Variants in CACHD1 observed in about 807,000 individuals in gnomAD.
CACHD1 encodes the protein cache domain containing 1, also known as VWFA and cache domain-containing protein 1.
CACHD1 carries 71 observed loss-of-function variants against 138.7 expected under a neutral mutation model. The observed-to-expected ratio is 0.51, with a 90% CI of 0.42 to 0.62. The LOEUF (loss-of-function observed/expected upper bound fraction) is 0.62, where lower values mean the gene tolerates loss of function less well. CACHD1 is among the 20% of genes least tolerant of loss of function. The pLI, the probability that CACHD1 is intolerant of heterozygous loss-of-function variation, is 0.00. For missense variants in CACHD1, 1,389 were observed against 1,625.3 expected, an observed-to-expected ratio of 0.85 and a Z score of 2.50; for synonymous variants, 578 against 591.5, an observed-to-expected ratio of 0.98 and a Z score of 0.33.
At chr1:64,617,022 A>G (rs184112033) in intron 4 of CACHD1, among the ~76,000 whole-genome samples, 1 of 151,900 alleles carries the variant, frequency 6.6e-6, no homozygotes, top group East Asian at 1.9e-4. Flanking sequence ...AAAAATGTTT[A>G]CATGCCAAAG....
intron 2 of CACHD1, among the ~76,000 whole-genome samples, chr1:64,553,527 C>T (rs118000654): frequency 0.031 from 4,721 of 152,276 alleles, 113 homozygotes; most frequent in South Asian, 0.11. Flanking sequence ...GGCCACGGAT[C>T]CCAGCTAGTA....
At chr1:64,613,010 A>T (rs1013884854) in intron 4 of CACHD1, among the ~76,000 whole-genome samples, 9 of 152,232 alleles carry the variant, frequency 5.9e-5, no homozygotes, top group African/African-American at 2.2e-4. Context: ...GGAGGTCAAA[A>T]TATCAACATT....
rs372000913 is a variant in CACHD1, at chr1:64,634,227, C to T, written c.973C>T (p.Arg325Ter). 6.8e-6 allele frequency: 11 copies of T among 1,613,662 alleles called. No homozygotes were observed. The highest frequency in any genetic ancestry group is 9.3e-6 in the Non-Finnish European group (11 of 1,179,928). Reference protein sequence around the residue: ...VGFQKAFQLIRSTNNNTKFQA... With the variant: ...VGFQKAFQLI ...ATTCCAAAAGGCATTTCAGCTGATT[C>T]GAAGTACAAACAATAACACAAAGTT... The change falls in exon 7 of 27, where the codon CGA (arginine) becomes TGA (stop). Residue 325 changes from arginine to a stop codon, truncating the protein, a stop_gained. Coordinates refer to ENST00000651257, the MANE Select transcript of CACHD1 (RefSeq NM_020925.4). LOFTEE classifies it high-confidence loss of function.
chr1:64,665,789 G>A (rs1302313553), intron 15 of CACHD1, among the ~76,000 whole-genome samples: 1 of 152,102 alleles, frequency 6.6e-6, no homozygotes, highest in Admixed American at 6.6e-5. Flanking sequence ...GGCTGAGGTG[G>A]GCGGATCACG....
chr1:64,647,690 C>G (rs905746893), intron 8 of CACHD1, 111 bp from the exon 9 acceptor site: 1 of 836,608 alleles, frequency 1.2e-6, no homozygotes, highest in African/African-American at 1.7e-5. Context: ...GCAAAAACCC[C>G]TTTGGTATTA....
intron 26 of CACHD1, among the ~76,000 whole-genome samples, chr1:64,688,658 C>T (rs1184963056): frequency 2.6e-5 from 4 of 152,010 alleles, no homozygotes; most frequent in African/African-American, 9.7e-5. Flanking sequence ...TCCAGCCTCC[C>T]CATTGCCCCC....
chr1:64,634,019 T>C, intron 6 of CACHD1, 25 bp from the exon 7 acceptor site: 3 of 697,300 alleles, frequency 4.3e-6, no homozygotes, highest in Non-Finnish European at 4.0e-6. Context: ...AGTTTGGTGG[T>C]TTTTTTTTTT....
intron 23 of CACHD1, among the ~76,000 whole-genome samples, chr1:64,678,919 T>A (rs1005585044): frequency 6.6e-6 from 1 of 152,154 alleles, no homozygotes; most frequent in Non-Finnish European, 1.5e-5. Flanking sequence ...CACCAAGGCC[T>A]AATTCTTAGA....
chr1:64,598,185 G>A (rs1261224495), intron 3 of CACHD1, among the ~76,000 whole-genome samples: 1 of 152,172 alleles, frequency 6.6e-6, no homozygotes, highest in Non-Finnish European at 1.5e-5. Flanking sequence ...TTTGCTTCCA[G>A]TAGTTACTCC....
intron 4 of CACHD1, among the ~76,000 whole-genome samples, chr1:64,620,084 G>C (rs17126781): frequency 0.042 from 6,404 of 151,966 alleles, 460 homozygotes; most frequent in African/African-American, 0.15. Flanking sequence ...ATTTTTCGTT[G>C]GTAAAGGTTT....
At chr1:64,524,772 C>G (rs1646523989) in intron 1 of CACHD1, among the ~76,000 whole-genome samples, 2 of 152,194 alleles carry the variant, frequency 1.3e-5, no homozygotes, top group African/African-American at 4.8e-5. Context: ...ACTCTGGAAG[C>G]AAAGACACAT....
At chr1:64,550,689 C>CT in intron 2 of CACHD1, 33 bp downstream of exon 2, 1 of 1,428,598 alleles carries the variant, frequency 7.0e-7, no homozygotes, top group Non-Finnish European at 9.8e-7. Flanking sequence ...CACTCCCTGT[C>CT]TTTGTCTTGC....
Position 64,503,385 on chromosome 1 carries a change from A to G in CACHD1, c.198+32443A>G, listed in dbSNP as rs116474494. Among the ~76,000 whole-genome samples, 722 of 152,342 alleles carry G rather than the reference A, an allele frequency of 4.7e-3. 4 individuals are homozygous for G. Among genetic ancestry groups the G allele is most frequent in the African/African-American group, 0.017 (694 of 41,564 alleles). ...TAGAGAAAATACAGAATATATTTACATGGAAAACCCAAAACAAAACAAAAC... is the reference window on the plus strand; with the variant it reads ...TAGAGAAAATACAGAATATATTTACGTGGAAAACCCAAAACAAAACAAAAC... On this transcript the variant is annotated intron_variant, in intron 1 of 26. Transcript: ENST00000651257.
chr1:64,498,488 G>A (rs961054631), intron 1 of CACHD1, among the ~76,000 whole-genome samples: 1 of 152,180 alleles, frequency 6.6e-6, no homozygotes, highest in Non-Finnish European at 1.5e-5. Context: ...CTTCCTTATA[G>A]AAGGAATCTG....
chr1:64,474,629 A>G (rs1292532499), intron 1 of CACHD1, among the ~76,000 whole-genome samples: 1 of 152,260 alleles, frequency 6.6e-6, no homozygotes, highest in Non-Finnish European at 1.5e-5. Context: ...GTATTCCAGC[A>G]CAACTCCTTA....
intron 2 of CACHD1, among the ~76,000 whole-genome samples, chr1:64,555,278 C>G (rs1362929353): frequency 6.6e-6 from 1 of 152,314 alleles, no homozygotes; most frequent in African/African-American, 2.4e-5. Flanking sequence ...GCATGAGCCA[C>G]TGCAGCTGGC....
chr1:64,613,216 A>G (rs1341134214), intron 4 of CACHD1, among the ~76,000 whole-genome samples: 2 of 152,240 alleles, frequency 1.3e-5, no homozygotes, highest in African/African-American at 4.8e-5. Context: ...GTTATGGATG[A>G]GCAATGAAAA....
chr1:64,565,089 G>A (rs1428815433), intron 2 of CACHD1, among the ~76,000 whole-genome samples: 1 of 150,090 alleles, frequency 6.7e-6, no homozygotes, highest in East Asian at 1.9e-4. Flanking sequence ...GTGGTAGCCT[G>A]AGGGCTCTCA....
intron 2 of CACHD1, among the ~76,000 whole-genome samples, chr1:64,563,111 A>G (rs958527037): frequency 1.3e-5 from 2 of 152,168 alleles, no homozygotes; most frequent in Non-Finnish European, 2.9e-5. Flanking sequence ...CCCTGCACAC[A>G]TACAGTTCAG....
Sources: gnomAD v4.1 joint callset for allele counts (sites outside exome capture counted in the v4.1 genomes callset) on GRCh38, gnomAD v4.1.1 for gene constraint, MANE v1.5 for transcripts, NCBI Gene and HGNC (gene_info 2026-07-23, HGNC 2026-07-21) for gene names.